The following EML1 variants were observed in gnomAD, a reference collection of about 807,000 sequenced individuals.
EML1 encodes echinoderm microtubule-associated protein-like 1.
EML1 carries 27 observed loss-of-function variants against 110.4 expected under a neutral mutation model. That is an observed-to-expected ratio of 0.24 (90% CI 0.18 to 0.34). EML1 has a LOEUF of 0.34. Ranked by LOEUF, EML1 falls within the 10% of genes least tolerant of loss-of-function variation. EML1 has a pLI of 1.00. For synonymous variants in EML1, 344 were observed against 385.8 expected (o/e 0.89, Z 1.27); for missense variants, 741 against 1,030.9 (o/e 0.72, Z 3.85).
At chr14:99,934,434 TA>T (rs2060430992) in intron 17 of EML1, among the ~76,000 whole-genome samples, 1 of 152,240 alleles carries the variant, frequency 6.6e-6, no homozygotes, top group South Asian at 2.1e-4. Context: ...CAACACTTCC[TA>T]AAATACCATT....
intron 13 of EML1, among the ~76,000 whole-genome samples, chr14:99,913,958 G>A (rs562801164): frequency 6.6e-6 from 1 of 152,096 alleles, no homozygotes; most frequent in African/African-American, 2.4e-5. Context: ...CCAACGTGCT[G>A]GGATTACAGG....
chr14:99,738,647 T>G (rs2056998407), intron 1 of EML1, among the ~76,000 whole-genome samples: 1 of 152,234 alleles, frequency 6.6e-6, no homozygotes, highest in Admixed American at 6.5e-5. Context: ...TGAGCCTCCG[T>G]GTCCCCAGGT....
At chr14:99,815,847 G>A (rs7158722) in intron 1 of EML1, among the ~76,000 whole-genome samples, 63,279 of 151,564 alleles carry the variant, frequency 0.42, 13,377 homozygotes, top group South Asian at 0.57. Flanking sequence ...AGATGCTTAC[G>A]AGATGAGCAT....
intron 1 of EML1, among the ~76,000 whole-genome samples, chr14:99,745,692 GT>G (rs1282101199): frequency 1.3e-5 from 2 of 152,184 alleles, no homozygotes; most frequent in African/African-American, 4.8e-5. Context: ...AGGCCAAACT[GT>G]TTAGAGAACT....
At chr14:99,914,062 C>A (rs1264615064) in intron 13 of EML1, 117 bp from the exon 14 acceptor site, 5 of 1,218,334 alleles carry the variant, frequency 4.1e-6, no homozygotes, top group Non-Finnish European at 5.7e-6. Context: ...ACATTATATA[C>A]ATATGTGTAT....
intron 5 of EML1, chr14:99,892,171 A>G: frequency 2.0e-6 from 2 of 985,434 alleles, no homozygotes; most frequent in Non-Finnish European, 2.4e-6. Context: ...ATCACAAGGG[A>G]AACGCCGGGT....
In EML1 at chr14:99,745,074, CT is replaced by C. The variant is rs561423686; in HGVS notation, c.28+7224del. 1.1e-4 allele frequency among the ~76,000 whole-genome samples: 17 copies of C among 149,574 alleles called. No individual in the cohort carries two copies. In the East Asian group the frequency reaches 1.8e-3, roughly 15 times the overall value. On this transcript the variant is annotated intron_variant, in intron 1 of 10. Coordinates refer to the EML1 transcript ENST00000554479. ...TTTAGTAGCTGGTTCTCCCAGTTGA[CT>C]TTTTTTTTTGAGACAGACTCTTGCT...
At chr14:99,832,693 G>T (rs1163620147) in intron 1 of EML1, among the ~76,000 whole-genome samples, 1 of 152,108 alleles carries the variant, frequency 6.6e-6, no homozygotes, top group Non-Finnish European at 1.5e-5. Flanking sequence ...TAGATCTTTT[G>T]CTTCGTTTTA....
At chr14:99,810,659 T>C (rs1439626072) in intron 1 of EML1, among the ~76,000 whole-genome samples, 4 of 152,232 alleles carry the variant, frequency 2.6e-5, no homozygotes, top group Non-Finnish European at 5.9e-5. Context: ...TCACGTGACC[T>C]TGTGGCTCAG....
At chr14:99,753,506 C>T (rs1482572596) in intron 1 of EML1, among the ~76,000 whole-genome samples, 2 of 151,922 alleles carry the variant, frequency 1.3e-5, no homozygotes, top group Non-Finnish European at 2.9e-5. Flanking sequence ...ATCTCCCTTC[C>T]TGGAACACCT....
chr14:99,813,754 A>G (rs956045091), intron 1 of EML1, among the ~76,000 whole-genome samples: 2 of 152,164 alleles, frequency 1.3e-5, no homozygotes, highest in Non-Finnish European at 2.9e-5. Flanking sequence ...AGGACTGGCT[A>G]TTTTGCAGAT....
intron 1 of EML1, among the ~76,000 whole-genome samples, chr14:99,813,975 G>A (rs1000008963): frequency 1.3e-5 from 2 of 152,156 alleles, no homozygotes; most frequent in Admixed American, 6.5e-5. Flanking sequence ...CTTAGCAGAC[G>A]AAGGCCAGCA....
chr14:99,911,702 CAATGTATTTTATTAA>C lies in EML1; in HGVS notation c.1494+130_1494+144del, dbSNP rs937505581. 1.6e-5 allele frequency: 17 copies of C among 1,037,910 alleles called. No individual in the cohort carries two copies. In the Middle Eastern group the frequency reaches 9.4e-4, roughly 57 times the overall value. The allele number at this position is 1,037,910 out of a possible 1,614,324, so 64.3% of individuals were successfully genotyped here. On this transcript the variant is annotated intron_variant, in intron 13 of 21. Transcript: ENST00000262233. ...TAGGTGAAATCACATTATATGGGAG[CAATGTATTTTATTAA>C]AATCCTGAGGCAGGTTAAATATAAC...
chr14:99,939,553 C>T lies in EML1; in HGVS notation c.2322+226C>T, dbSNP rs1286703488. 2.0e-5 allele frequency among the ~76,000 whole-genome samples: 3 copies of T among 152,130 alleles called. No homozygotes were observed. Among genetic ancestry groups the T allele is most frequent in the African/African-American group, 7.2e-5 (3 of 41,420 alleles). On this transcript the variant is annotated intron_variant, in intron 21 of 21. Coordinates refer to ENST00000262233, the MANE Select transcript of EML1 (RefSeq NM_004434.3). This position sits in a 1 kb window ranked among gnomAD's most constrained non-coding sequence, Gnocchi z 4.2. ...AGAGCTGCTCATCCACCTCTGCAGC[C>T]CCACAGGCTCACGACCCCGCCCTCC...
intron 17 of EML1, among the ~76,000 whole-genome samples, chr14:99,933,582 G>A (rs1035704315): frequency 6.6e-6 from 1 of 152,222 alleles, no homozygotes; most frequent in Admixed American, 6.5e-5. Context: ...CTGGTCGGAG[G>A]GGCAGTGCCC....
Position 99,898,276 on chromosome 14 carries a change from G to A in EML1, c.871G>A (p.Val291Ile), listed in dbSNP as rs771374390. The A allele has an allele frequency of 6.2e-7, 1 of 1,611,766 alleles. No homozygotes were observed. Among genetic ancestry groups the A allele is most frequent in the South Asian group, 1.1e-5 (1 of 90,752 alleles). Residue 291 changes from valine (V) to isoleucine (I), a missense_variant, in exon 8 of 22, where the codon GTT becomes ATT. This residue lies in a region of EML1 where 388 missense variants were observed against 605.6 expected (regional missense o/e 0.64). Coordinates refer to ENST00000262233, the MANE Select transcript of EML1 (RefSeq NM_004434.3). ...PDRITIATGQ[V>I]AGTSKDGKQL... ...TCGGATCACGATAGCAACAGGACAA[G>A]TTGCGGGCACATCGAAGGATGGAAA...
Position 99,824,756 on chromosome 14 carries a change from T to C in EML1, c.68-26097T>C, listed in dbSNP as rs1468559046. Among the ~76,000 whole-genome samples the C allele has an allele frequency of 2.0e-5, 3 of 151,474 alleles. No individual in the cohort carries two copies. The East Asian group carries it at 5.8e-4, about 29-fold the overall frequency. On this transcript the variant is annotated intron_variant, in intron 1 of 21. Coordinates refer to ENST00000262233, the MANE Select transcript of EML1 (RefSeq NM_004434.3). ...CCCCATAGTGAGCACAATAGGCGAT[T>C]TTCAATCCTCCCCCCTCCTACCCTC...
intron 1 of EML1, among the ~76,000 whole-genome samples, chr14:99,807,593 G>A (rs2058000383): frequency 6.6e-6 from 1 of 152,186 alleles, no homozygotes; most frequent in Non-Finnish European, 1.5e-5. Flanking sequence ...AGAGGGCTGG[G>A]TGGACAGAGC....
intron 1 of EML1, among the ~76,000 whole-genome samples, chr14:99,755,862 G>A (rs1418128352): frequency 6.7e-6 from 1 of 150,272 alleles, no homozygotes; most frequent in Non-Finnish European, 1.5e-5. Flanking sequence ...GCAGGAGCCT[G>A]GCCCTGGACC....
Sources: allele counts gnomAD v4.1 joint callset (sites outside exome capture counted in the v4.1 genomes callset), GRCh38; gene constraint gnomAD v4.1.1; regional missense constraint gnomAD v4.1.1; non-coding constraint Gnocchi (gnomAD v3.1); transcripts MANE v1.5; gene names NCBI Gene and HGNC (gene_info 2026-07-23, HGNC 2026-07-21).